ITPR2: variants seen among roughly 807,000 people sequenced by gnomAD.
ITPR2 encodes the protein inositol 1,4,5-trisphosphate-gated calcium channel ITPR2.
Under a neutral mutation model 317.1 loss-of-function variants are expected in ITPR2, and 207 were observed. The observed-to-expected ratio is 0.65, with a 90% CI of 0.58 to 0.73. The LOEUF is 0.73. Among genes scored for constraint, ITPR2 ranks in the 30% least tolerant of loss-of-function variants. The pLI is 0.00. For missense variants in ITPR2, 2,613 were observed against 3,284.0 expected, an observed-to-expected ratio of 0.80 and a Z score of 4.99; for synonymous variants, 1,156 against 1,149.1, an observed-to-expected ratio of 1.01 and a Z score of -0.12.
chr12:26,738,337 G>A (rs1243456327), intron 2 of ITPR2, among the ~76,000 whole-genome samples: 1 of 152,134 alleles, frequency 6.6e-6, no homozygotes, highest in East Asian at 1.9e-4. Context: ...TAAAGAATTG[G>A]GATGTGGGAG....
At position 26,339,141 on chromosome 12, in the gene ITPR2, G is replaced by T. The variant is rs921081923; in HGVS notation, c.*256C>A. The T allele has an allele frequency of 7.6e-6, 3 of 394,380 alleles. No homozygotes were observed. The highest frequency in any genetic ancestry group is 6.2e-5 in the African/African-American group (3 of 48,022). The allele number at this position is 394,380 out of a possible 1,614,324, so 24.4% of individuals were successfully genotyped here. On this transcript the variant is annotated 3_prime_UTR_variant, in exon 57 of 57. Coordinates refer to ENST00000381340, the MANE Select transcript of ITPR2 (RefSeq NM_002223.4). Reference sequence around the variant, plus strand: ...CGCTCCCTGCCCTCTCCAGCCTTTTGGGCAAGCCTTTTCTTCCTGATGCAT... The same window carrying T: ...CGCTCCCTGCCCTCTCCAGCCTTTTTGGCAAGCCTTTTCTTCCTGATGCAT...
chr12:26,339,393 G>A lies in ITPR2; in HGVS notation c.*4C>T. ...AAGGCTAGTCACGGCTTCCCCCCATGGTATCAGTGTGGTGGCATGTGATGA... is the reference window on the plus strand; with the variant it reads ...AAGGCTAGTCACGGCTTCCCCCCATAGTATCAGTGTGGTGGCATGTGATGA... On this transcript the variant is annotated 3_prime_UTR_variant, in exon 57 of 57. Coordinates refer to ENST00000381340, the MANE Select transcript of ITPR2 (RefSeq NM_002223.4). 6.2e-7 allele frequency: 1 copy of A among 1,611,626 alleles called. No homozygotes were observed. The highest frequency in any genetic ancestry group is 1.7e-5 in the Admixed American group (1 of 59,988).
intron 55 of ITPR2, among the ~76,000 whole-genome samples, chr12:26,370,065 T>A (rs1289929489): frequency 6.6e-6 from 1 of 152,146 alleles, no homozygotes; most frequent in African/African-American, 2.4e-5. Flanking sequence ...GTCTCTTCAT[T>A]TGGCTGTTGC....
At chr12:26,543,279 C>A (rs564500458) in intron 37 of ITPR2, among the ~76,000 whole-genome samples, 1 of 152,134 alleles carries the variant, frequency 6.6e-6, no homozygotes, top group African/African-American at 2.4e-5. Context: ...TCTAAAGTAT[C>A]TTTAAATACA....
intron 55 of ITPR2, among the ~76,000 whole-genome samples, chr12:26,377,136 T>C (rs748642117): frequency 1.7e-4 from 26 of 152,288 alleles, no homozygotes; most frequent in Non-Finnish European, 2.8e-4. Flanking sequence ...TTTCTAGACA[T>C]ACCTACCTGC....
intron 1 of ITPR2, among the ~76,000 whole-genome samples, chr12:26,823,737 G>A (rs758804248): frequency 1.3e-5 from 2 of 151,188 alleles, no homozygotes; most frequent in Non-Finnish European, 2.9e-5. Flanking sequence ...GGATAGGTTG[G>A]TATAAACTAT....
intron 48 of ITPR2, among the ~76,000 whole-genome samples, chr12:26,432,984 C>CA (rs1181423393): frequency 1.3e-5 from 2 of 152,212 alleles, no homozygotes; most frequent in African/African-American, 4.8e-5. Context: ...CCTTCACCAC[C>CA]AGCACAGAGC....
intron 13 of ITPR2, 140 bp downstream of exon 13, chr12:26,681,734 A>G (rs11048646): frequency 0.21 from 112,367 of 547,080 alleles, 15,100 homozygotes; most frequent in East Asian, 0.52. Context: ...ATCAAGAGGA[A>G]TAAGTTCCCA....
chr12:26,820,876 A>G (rs923435216), intron 1 of ITPR2, among the ~76,000 whole-genome samples: 2 of 152,216 alleles, frequency 1.3e-5, no homozygotes, highest in African/African-American at 4.8e-5. Context: ...GACACACAAA[A>G]GGACAGATGA....
chr12:26,359,379 A>G (rs1040405075), intron 55 of ITPR2, among the ~76,000 whole-genome samples: 4 of 152,222 alleles, frequency 2.6e-5, no homozygotes, highest in African/African-American at 9.6e-5. Context: ...GCTCAGATAT[A>G]CAGGGAACCA....
chr12:26,516,213 GAAGGAAAGGAAAGGAAAGGA>G (rs1164570920), intron 37 of ITPR2, among the ~76,000 whole-genome samples: 4 of 40,234 alleles, frequency 9.9e-5, no homozygotes, highest in Non-Finnish European at 1.5e-4. Context: ...GGGAGGACAG[GAAGGAAAGGAAAGGAAAGGA>G]AAGGAAAGGA....
intron 1 of ITPR2, among the ~76,000 whole-genome samples, chr12:26,812,626 C>T (rs564146609): frequency 6.6e-6 from 1 of 152,202 alleles, no homozygotes; most frequent in South Asian, 2.1e-4. Context: ...TGTACCAGTA[C>T]AGCTTACAGC....
chr12:26,583,671 T>C (rs1945455166), intron 32 of ITPR2, among the ~76,000 whole-genome samples: 1 of 152,186 alleles, frequency 6.6e-6, no homozygotes, highest in Non-Finnish European at 1.5e-5. Context: ...TCAAAACATT[T>C]ATTAAATATT....
intron 1 of ITPR2, among the ~76,000 whole-genome samples, chr12:26,792,957 G>A (rs1248835293): frequency 3.3e-5 from 5 of 152,294 alleles, no homozygotes; most frequent in Admixed American, 2.0e-4. Context: ...GCCCCAACGA[G>A]GGCAGAGTAC....
chr12:26,503,401 G>A (rs1256523265), intron 37 of ITPR2, among the ~76,000 whole-genome samples: 1 of 152,096 alleles, frequency 6.6e-6, no homozygotes, highest in African/African-American at 2.4e-5. Flanking sequence ...TCCTCAGATA[G>A]GACAGTCTAT....
intron 1 of ITPR2, among the ~76,000 whole-genome samples, chr12:26,825,251 A>T (rs974633790): frequency 3.3e-5 from 5 of 152,230 alleles, no homozygotes; most frequent in Admixed American, 3.3e-4. Flanking sequence ...ATTAAAAAAT[A>T]AAAATAAGTG....
Position 26,495,275 on chromosome 12 carries a change from A to AAC in ITPR2, c.5074-17_5074-16dup, listed in dbSNP as rs1259322522. 3.7e-6 allele frequency: 5 copies of AAC among 1,359,358 alleles called. No individual in the cohort carries two copies. The highest frequency in any genetic ancestry group is 4.2e-6 in the Non-Finnish European group (4 of 955,828). 84.2% of individuals were successfully genotyped at this position (1,359,358 alleles called of 1,614,324 possible). A position where few individuals can be genotyped will look rare whatever the true frequency, so the allele number is the denominator to read the frequency against. On this transcript the variant is annotated splice_polypyrimidine_tract_variant and intron_variant, in intron 37 of 56. Coordinates refer to ENST00000381340, the MANE Select transcript of ITPR2 (RefSeq NM_002223.4). ...AATGTGTTACCCTAATAAGAAGGATAACAAAGAGTTACTGTTCCCTTTTCT... is the reference window on the plus strand; with the variant it reads ...AATGTGTTACCCTAATAAGAAGGATAACACAAAGAGTTACTGTTCCCTTTTCT...
At chr12:26,546,707 A>G (rs1944398242) in intron 37 of ITPR2, among the ~76,000 whole-genome samples, 1 of 152,196 alleles carries the variant, frequency 6.6e-6, no homozygotes, top group African/African-American at 2.4e-5. Flanking sequence ...AAAAATAGAC[A>G]CACAGACCAA....
At chr12:26,406,365 CT>C (rs1354039333) in intron 52 of ITPR2, 1 of 141,072 alleles carries the variant, frequency 7.1e-6, no homozygotes, top group Non-Finnish European at 1.5e-5. Flanking sequence ...AAAGGCCTTG[CT>C]TTTTTTAAGG....
Sources: gnomAD v4.1 joint callset for allele counts (sites outside exome capture counted in the v4.1 genomes callset) on GRCh38, gnomAD v4.1.1 for gene constraint, MANE v1.5 for transcripts, NCBI Gene and HGNC (gene_info 2026-07-23, HGNC 2026-07-21) for gene names.